HEATR4: variants seen among roughly 807,000 people sequenced by gnomAD.
HEATR4 encodes the protein HEAT repeat-containing protein 4.
HEATR4 carries 95 observed loss-of-function variants against 108.8 expected under a neutral mutation model. The ratio of observed to expected loss-of-function variants is 0.87; its 90% CI spans 0.74 to 1.04. HEATR4 has a LOEUF of 1.04. Ranked by LOEUF, HEATR4 falls within the 50% of genes least tolerant of loss-of-function variation. The probability of loss-of-function intolerance (pLI) is 0.00; values close to 1 mark genes in which losing one functional copy is unlikely to be tolerated. For synonymous variants in HEATR4, 443 were observed against 459.4 expected (o/e 0.96, Z 0.46); for missense variants, 1,152 against 1,253.8 (o/e 0.92, Z 1.23).
At chr14:73,536,304 G>GA (rs555784262) in intron 1 of HEATR4, among the ~76,000 whole-genome samples, 10,814 of 99,550 alleles carry the variant, frequency 0.11, 2,892 homozygotes, top group African/African-American at 0.27. Context: ...TAAGTTTGAT[G>GA]AAAAAAAAAA....
Position 73,492,090 on chromosome 14 carries a change from G to A in HEATR4, c.2844+976C>T. ...CAGCTGGAAGGTAGGAAACTCTGGC[G>A]TGTATACCGACCCCGAGTCCCAACC... On this transcript the variant is annotated intron_variant, in intron 17 of 17. Transcript: ENST00000553558. The surrounding 1 kb of genome is among the most constrained non-coding windows in gnomAD (Gnocchi z 4.9). 3.1e-6 allele frequency: 5 copies of A among 1,613,962 alleles called. No homozygotes were observed. The highest frequency in any genetic ancestry group is 4.2e-6 in the Non-Finnish European group (5 of 1,179,886).
chr14:73,595,414 A>T, the HEATR4 span: 1 of 1,614,256 alleles, frequency 6.2e-7, no homozygotes, highest in Non-Finnish European at 8.5e-7. Flanking sequence ...CTGAACGGTT[A>T]CAGGCCCATG....
the HEATR4 span, among the ~76,000 whole-genome samples, chr14:73,575,967 C>T: frequency 1.3e-5 from 2 of 151,504 alleles, no homozygotes; most frequent in Non-Finnish European, 2.9e-5. Flanking sequence ...GTCTGGCCAA[C>T]GTGATGAAAC....
In HEATR4 at chr14:73,522,392, C is replaced by G. The variant is rs1346856903; in HGVS notation, c.761G>C (p.Ser254Thr). The G allele has an allele frequency of 6.2e-7, 1 of 1,614,272 alleles. No homozygotes were observed. The highest frequency in any genetic ancestry group is 2.2e-5 in the East Asian group (1 of 44,888). ...CAGCTGTTTCAGGAGCTCCAGGTCA[C>G]TGGCAGAGGTAAGCTCATCCCGAAT... Reference protein sequence around the residue: ...SHIRDELTSASDLELLKQLEA... With the variant: ...SHIRDELTSATDLELLKQLEA... Residue 254 changes from serine to threonine, a missense_variant, in exon 3 of 18, where the codon AGT (serine) becomes ACT (threonine). By Grantham distance (58) the Ser-to-Thr change is moderately conservative. Transcript: ENST00000553558.
At chr14:73,569,918 C>G in the HEATR4 span, 1 of 1,582,754 alleles carries the variant, frequency 6.3e-7, no homozygotes, top group Non-Finnish European at 8.6e-7. Context: ...CGTGTTCGTT[C>G]GCCTTTCACT....
In HEATR4 at chr14:73,513,977, G is replaced by A. The variant is rs1177281456; in HGVS notation, c.1414+54C>T. The A allele has an allele frequency of 3.2e-6, 5 of 1,542,884 alleles. No homozygotes were observed. The Admixed American group carries it at 8.4e-5, about 26-fold the overall frequency. The stretch of plus-strand genomic sequence containing the variant: ...CAAAGACTGAGAAAGCCTAGTCCCA[G>A]ATGAGAACCACTTCTCACAAACGTA... On this transcript the variant is annotated intron_variant, in intron 6 of 17. Transcript: ENST00000553558.
chr14:73,509,262 G>A (rs1035365479), intron 8 of HEATR4, 50 bp downstream of exon 8: 5 of 1,545,690 alleles, frequency 3.2e-6, no homozygotes, highest in Non-Finnish European at 4.5e-6. Context: ...AGCTGATAGT[G>A]AGATGTCTAT....
chr14:73,506,804 G>GTTTTTTTTTTTTTTTTTATTTTTTTTT (rs1886869787), intron 9 of HEATR4, among the ~76,000 whole-genome samples: 1 of 80,522 alleles, frequency 1.2e-5, no homozygotes, highest in Non-Finnish European at 2.2e-5. Context: ...GACTTTAACT[G>GTTTTTTTTTTTTTTTTTATTTTTTTTT]TTTTTTTTTT....
chr14:73,577,805 G>C, the HEATR4 span, among the ~76,000 whole-genome samples: 1 of 152,008 alleles, frequency 6.6e-6, no homozygotes. Flanking sequence ...CTTGAGCCCA[G>C]GAGTTCAAGT....
At chr14:73,630,115 G>A in the HEATR4 span, among the ~76,000 whole-genome samples, 1 of 152,038 alleles carries the variant, frequency 6.6e-6, no homozygotes, top group Non-Finnish European at 1.5e-5. Flanking sequence ...TTAGACAAAG[G>A]GAGTCAGGCT....
rs1247931200 is a variant in HEATR4, at chr14:73,552,746, T to A, written c.-152+6005A>T. On this transcript the variant is annotated intron_variant, in intron 1 of 17. Coordinates refer to ENST00000553558, the MANE Select transcript of HEATR4 (RefSeq NM_001220484.1). ...CACTCCAGTGTCCCCCACTTCCTGA[T>A]CCCACAACACCTTGGGCCCTCCAGA... Among the ~76,000 whole-genome samples the A allele has an allele frequency of 5.6e-5, 6 of 106,398 alleles. 1 individual carries two copies. Among genetic ancestry groups the A allele is most frequent in the African/African-American group, 1.8e-4 (5 of 28,484 alleles). 69.8% of individuals were successfully genotyped at this position (106,398 alleles called of 152,430 possible).
chr14:73,494,057 G>C (rs940434903), intron 16 of HEATR4, among the ~76,000 whole-genome samples: 11 of 152,178 alleles, frequency 7.2e-5, no homozygotes, highest in Admixed American at 2.6e-4. Context: ...ACCTAGTTGT[G>C]CCTTCATAGA....
At chr14:73,559,674 A>G, upstream of HEATR4, among the ~76,000 whole-genome samples, 1 of 152,004 alleles carries the variant, frequency 6.6e-6, no homozygotes, top group East Asian at 1.9e-4. Flanking sequence ...CCCAGGAAGC[A>G]GAGGTTGCAG....
the HEATR4 span, among the ~76,000 whole-genome samples, chr14:73,570,483 G>T: frequency 6.6e-6 from 1 of 151,932 alleles, no homozygotes; most frequent in Non-Finnish European, 1.5e-5. Flanking sequence ...GCAGGAGAAT[G>T]GTGTGAACCC....
At chr14:73,608,263 T>C in the HEATR4 span, among the ~76,000 whole-genome samples, 1 of 152,204 alleles carries the variant, frequency 6.6e-6, no homozygotes, top group Non-Finnish European at 1.5e-5. Flanking sequence ...CTGCAAATTT[T>C]CCAAACTTTT....
At position 73,493,014 on chromosome 14, in the gene HEATR4, T is replaced by TTC. The variant is rs35652284; in HGVS notation, c.2844+50_2844+51dup. 19 of 1,579,700 alleles carry TTC rather than the reference T, an allele frequency of 1.2e-5. No individual in the cohort carries two copies. In the South Asian group the frequency reaches 2.0e-4, roughly 17 times the overall value. On this transcript the variant is annotated intron_variant, in intron 17 of 17. Transcript: ENST00000553558. ...CCACTGCTACCTTTTTTTTTTTTTTTTCCTTAAACTCACGTTCTTACCTTG... is the reference window on the plus strand; with the variant it reads ...CCACTGCTACCTTTTTTTTTTTTTTTTCTCCTTAAACTCACGTTCTTACCTTG...
chr14:73,611,204 A>G, the HEATR4 span, among the ~76,000 whole-genome samples: 1 of 152,170 alleles, frequency 6.6e-6, no homozygotes, highest in African/African-American at 2.4e-5. Context: ...GGGCATCACT[A>G]TATGCTCTTC....
At chr14:73,525,434 C>T (rs1391507909) in intron 2 of HEATR4, among the ~76,000 whole-genome samples, 1 of 152,162 alleles carries the variant, frequency 6.6e-6, no homozygotes, top group Non-Finnish European at 1.5e-5. Context: ...ACTTTTTGCA[C>T]ATAAGGCTAA....
In HEATR4 at chr14:73,500,740, AC is replaced by A. The variant is rs1311486059; in HGVS notation, c.2106-11del. ...TTGACCTAGCTTGACCCTGTAAGGC[AC>A]AAGTTGCTTTCCTTTCACCTCCTTA... is the stretch of plus-strand genomic sequence containing the variant. On this transcript the variant is annotated splice_polypyrimidine_tract_variant and intron_variant, in intron 11 of 17. Coordinates refer to ENST00000553558, the MANE Select transcript of HEATR4 (RefSeq NM_001220484.1). The A allele has an allele frequency of 2.9e-5, 47 of 1,609,966 alleles. No homozygotes were observed. The highest frequency in any genetic ancestry group is 4.0e-5 in the Non-Finnish European group (47 of 1,176,932).
Sources: gnomAD v4.1 joint callset for allele counts (sites outside exome capture counted in the v4.1 genomes callset) on GRCh38, gnomAD v4.1.1 for gene constraint, Gnocchi (gnomAD v3.1) non-coding constraint, MANE v1.5 for transcripts, NCBI Gene and HGNC (gene_info 2026-07-23, HGNC 2026-07-21) for gene names.